The following CATSPER3 variants were observed in gnomAD, a reference collection of about 807,000 sequenced individuals.
CATSPER3 encodes cation channel sperm associated 3, also known as cation channel sperm-associated protein 3.
In CATSPER3, 23 loss-of-function variants were observed where a neutral mutation model predicts 36.6. The observed-to-expected ratio is 0.63, with a 90% CI of 0.45 to 0.89. The LOEUF is 0.89. Among genes scored for constraint, CATSPER3 ranks in the 40% least tolerant of loss-of-function variants. CATSPER3 has a pLI of 0.00. For missense variants in CATSPER3, 474 were observed against 503.9 expected (o/e 0.94, Z 0.57); for synonymous variants, 172 against 184.1 (o/e 0.93, Z 0.53).
At position 134,974,159 on chromosome 5, in the gene CATSPER3, A is replaced by G. The variant is rs76177239; in HGVS notation, c.252+4067A>G. 3.4e-3 allele frequency among the ~76,000 whole-genome samples: 511 copies of G among 152,328 alleles called. 7 individuals are homozygous for G. In the East Asian group the frequency reaches 0.037, roughly 11 times the overall value. ...CACCTCTAATCTTGCCAAAGAGATCAGGAAATATGGAGGCCAGAGGGATAT... is the reference window on the plus strand; with the variant it reads ...CACCTCTAATCTTGCCAAAGAGATCGGGAAATATGGAGGCCAGAGGGATAT... On this transcript the variant is annotated intron_variant, in intron 2 of 7. Coordinates refer to ENST00000282611, the MANE Select transcript of CATSPER3 (RefSeq NM_178019.3).
chr5:134,971,518 C>T (rs1252959860), intron 2 of CATSPER3, among the ~76,000 whole-genome samples: 5 of 152,000 alleles, frequency 3.3e-5, no homozygotes, highest in African/African-American at 4.8e-5. Flanking sequence ...TACTACAAGC[C>T]GTAAGAACTG....
At chr5:134,970,247 C>T (rs1249159825) in intron 2 of CATSPER3, among the ~76,000 whole-genome samples, 155 bp downstream of exon 2, 3 of 152,026 alleles carry the variant, frequency 2.0e-5, no homozygotes, top group African/African-American at 4.8e-5. Flanking sequence ...CCTCCATCTC[C>T]ACCTCCCAGG....
intron 2 of CATSPER3, among the ~76,000 whole-genome samples, chr5:134,985,993 C>T (rs557381806): frequency 3.7e-4 from 56 of 152,078 alleles, no homozygotes; most frequent in African/African-American, 9.4e-4. Context: ...CACACACACA[C>T]AGCCATATAT....
At chr5:134,992,429 AAAAC>A (rs1483568885) in intron 2 of CATSPER3, among the ~76,000 whole-genome samples, 7 of 152,246 alleles carry the variant, frequency 4.6e-5, no homozygotes, top group Non-Finnish European at 1.0e-4. Context: ...ATTATTAAAA[AAAAC>A]AAAAAATGGG....
chr5:134,978,713 G>A (rs898261285), intron 2 of CATSPER3, among the ~76,000 whole-genome samples: 5 of 150,680 alleles, frequency 3.3e-5, no homozygotes, highest in African/African-American at 7.3e-5. Context: ...GGAAAGTTTT[G>A]TTATATTTTC....
chr5:134,968,548 C>T (rs140668581), intron 1 of CATSPER3: 29 of 211,462 alleles, frequency 1.4e-4, no homozygotes, highest in African/African-American at 6.3e-4. Context: ...CAGATTAGCC[C>T]GGAGTGATGG....
At position 134,990,409 on chromosome 5, in the gene CATSPER3, C is replaced by T. The variant is rs542726234; in HGVS notation, c.253-5864C>T. On this transcript the variant is annotated intron_variant, in intron 2 of 7. Coordinates refer to ENST00000282611, the MANE Select transcript of CATSPER3 (RefSeq NM_178019.3). ...TGCATTCTTTTGAGTTTCTAATTAG[C>T]GTCTCCAAAGGTGGCAATCAGATAT... Among the ~76,000 whole-genome samples the T allele has an allele frequency of 3.3e-5, 5 of 152,212 alleles. No individual in the cohort carries two copies. In the South Asian group the frequency reaches 1.0e-3, roughly 32 times the overall value.
In CATSPER3 at chr5:134,968,096, A is replaced by G; in HGVS notation, c.98+7A>G. 1 of 1,572,722 alleles carries G rather than the reference A, an allele frequency of 6.4e-7. No individual in the cohort carries two copies. On this transcript the variant is annotated splice_region_variant and intron_variant, in intron 1 of 7. Transcript: ENST00000282611. The stretch of plus-strand genomic sequence containing the variant: ...CAACATTCAAGAAATTTAAGTAAAT[A>G]TTATCTATCTCCATTGCCTGTTAAG...
At chr5:135,004,663 G>A (rs1752063040) in intron 3 of CATSPER3, among the ~76,000 whole-genome samples, 1 of 152,188 alleles carries the variant, frequency 6.6e-6, no homozygotes, top group African/African-American at 2.4e-5. Context: ...CAGGGGTGAA[G>A]AGGCCTGGCA....
In CATSPER3 at chr5:135,011,624, C is replaced by T. The variant is rs1418602311; in HGVS notation, c.*1C>T. 1.2e-6 allele frequency: 2 copies of T among 1,608,236 alleles called. No homozygotes were observed. Among genetic ancestry groups the T allele is most frequent in the South Asian group, 1.1e-5 (1 of 90,778 alleles). On this transcript the variant is annotated 3_prime_UTR_variant, in exon 8 of 8. Coordinates refer to ENST00000282611, the MANE Select transcript of CATSPER3 (RefSeq NM_178019.3). The stretch of plus-strand genomic sequence containing the variant: ...CTTGGAAAAGGTGGATGAGAAGTAG[C>T]TGGGCATGGGGCACCCATGTGCCGA...
At position 135,005,965 on chromosome 5, in the gene CATSPER3, C is replaced by T. The variant is rs9687555; in HGVS notation, c.493-1992C>T. 2.5e-3 allele frequency among the ~76,000 whole-genome samples: 377 copies of T among 152,294 alleles called. 1 individual carries two copies. The highest frequency in any genetic ancestry group is 8.4e-3 in the African/African-American group (350 of 41,556). On this transcript the variant is annotated intron_variant, in intron 3 of 7. Transcript: ENST00000282611. ...AGCTCCTTTCCACATCCAGAATGCC[C>T]CAGGGCTGTGGCTTGATCCAGAGCC... is the stretch of plus-strand genomic sequence containing the variant.
intron 6 of CATSPER3, 74 bp downstream of exon 6, chr5:135,009,564 G>C: frequency 2.2e-5 from 5 of 223,754 alleles, no homozygotes; most frequent in Non-Finnish European, 3.2e-5. Flanking sequence ...CAGGAGGAGG[G>C]GCCGTGGTGC....
At chr5:135,001,052 G>A (rs1752013874) in intron 3 of CATSPER3, among the ~76,000 whole-genome samples, 1 of 152,046 alleles carries the variant, frequency 6.6e-6, no homozygotes. Context: ...GCTTTCTCTT[G>A]TGGGCATTTA....
chr5:135,006,532 G>A lies in CATSPER3; in HGVS notation c.493-1425G>A, dbSNP rs558656242. Among the ~76,000 whole-genome samples the A allele has an allele frequency of 3.3e-5, 5 of 150,834 alleles. No individual in the cohort carries two copies. The South Asian group carries it at 1.0e-3, about 31-fold the overall frequency. ...TCTGCCTCTGTTTAGTTGGGAGGAAGGCATTAAGAAAAAAAAAATATCGGC... is the reference window on the plus strand; with the variant it reads ...TCTGCCTCTGTTTAGTTGGGAGGAAAGCATTAAGAAAAAAAAAATATCGGC... On this transcript the variant is annotated intron_variant, in intron 3 of 7. Transcript: ENST00000282611.
rs772982462 is a variant in CATSPER3, at chr5:134,996,238, C to T, written c.253-35C>T. The T allele has an allele frequency of 6.2e-6, 10 of 1,613,892 alleles. No homozygotes were observed. In the Admixed American group the frequency reaches 8.3e-5, roughly 13 times the overall value. ...GCCAGAGCTCTAGGGCTGTGCAGCT[C>T]GATCTGACTTCTCCAACCCTTGCTA... On this transcript the variant is annotated intron_variant, in intron 2 of 7. Transcript: ENST00000282611.
At chr5:134,986,521 G>GC (rs1751812242) in intron 2 of CATSPER3, among the ~76,000 whole-genome samples, 1 of 148,414 alleles carries the variant, frequency 6.7e-6, no homozygotes, top group East Asian at 2.0e-4. Flanking sequence ...GAGTGCAATG[G>GC]CACAACCTCA....
intron 1 of CATSPER3, chr5:134,969,193 G>T (rs778917152): frequency 6.6e-6 from 1 of 152,190 alleles, no homozygotes; most frequent in Non-Finnish European, 1.5e-5. Flanking sequence ...ATGTTTAGTT[G>T]AAGTTATTTC....
chr5:134,970,946 T>C (rs936261709), intron 2 of CATSPER3, among the ~76,000 whole-genome samples: 1 of 151,956 alleles, frequency 6.6e-6, no homozygotes, highest in Non-Finnish European at 1.5e-5. Context: ...GTGGGACTCC[T>C]ATCTCTCTTT....
At position 134,968,110 on chromosome 5, in the gene CATSPER3, T is replaced by C. The variant is rs1751556761; in HGVS notation, c.98+21T>C. On this transcript the variant is annotated intron_variant, in intron 1 of 7. Transcript: ENST00000282611. ...TTTAAGTAAATATTATCTATCTCCA[T>C]TGCCTGTTAAGAAATGTGCTAGTAG... 4 of 1,517,432 alleles carry C rather than the reference T, an allele frequency of 2.6e-6. No individual in the cohort carries two copies. The East Asian group carries it at 9.0e-5, about 34-fold the overall frequency. The allele number at this position is 1,517,432 out of a possible 1,614,324, so 94.0% of individuals were successfully genotyped here. A position where few individuals can be genotyped will look rare whatever the true frequency, so the allele number is the denominator to read the frequency against.
Sources: gnomAD v4.1 joint callset for allele counts (sites outside exome capture counted in the v4.1 genomes callset) on GRCh38, gnomAD v4.1.1 for gene constraint, MANE v1.5 for transcripts, NCBI Gene and HGNC (gene_info 2026-07-23, HGNC 2026-07-21) for gene names.